The following MTCL1 variants were observed in gnomAD, a reference collection of about 807,000 sequenced individuals.
The protein encoded by MTCL1 is microtubule crosslinking factor 1.
Under a neutral mutation model 141.4 loss-of-function variants are expected in MTCL1, and 79 were observed. The ratio of observed to expected loss-of-function variants is 0.56; its 90% confidence interval spans 0.47 to 0.67. The LOEUF (loss-of-function observed/expected upper bound fraction) is 0.67. Ranked by LOEUF, MTCL1 falls within the 30% of genes least tolerant of loss-of-function variation. The probability of loss-of-function intolerance (pLI) is 0.00; values close to 1 mark genes in which losing one functional copy is unlikely to be tolerated. For missense variants in MTCL1, 2,177 were observed against 2,113.9 expected, an observed-to-expected ratio of 1.03 and a Z score of -0.59; for synonymous variants, 914 against 875.8, an observed-to-expected ratio of 1.04 and a Z score of -0.77.
rs1218985519 is a variant in MTCL1 at position 8,810,533 on chromosome 18, G to A, written c.2605-2446G>A. ...TGATGTGGGGCCCAGGAAGGGGTAC[G>A]CTGCATGAGGAGATTCTAAAGAGAG... On this transcript the variant is annotated intron_variant, in intron 11 of 16. Coordinates refer to ENST00000359865, the Ensembl canonical transcript of MTCL1. This position sits in a 1 kb window ranked among gnomAD's most constrained non-coding sequence, Gnocchi z 5.0. Among the ~76,000 whole-genome samples the A allele has an allele frequency of 1.3e-5, 2 of 152,302 alleles. No homozygotes were observed. The highest frequency in any genetic ancestry group is 1.9e-4 in the East Asian group (1 of 5,174).
chr18:8,775,524 G>A (rs2096503922), intron 4 of MTCL1, among the ~76,000 whole-genome samples: 2 of 152,108 alleles, frequency 1.3e-5, no homozygotes, highest in South Asian at 4.1e-4. Context: ...AGTGAGCCGA[G>A]ATTGCACCAC....
chr18:8,733,157 G>A (rs566430801), intron 4 of MTCL1, among the ~76,000 whole-genome samples: 1 of 152,360 alleles, frequency 6.6e-6, no homozygotes, highest in East Asian at 1.9e-4. Context: ...CTGGGAGCCA[G>A]GGCGCAGGGC....
intron 4 of MTCL1, among the ~76,000 whole-genome samples, chr18:8,726,446 C>CA (rs1445813076): frequency 6.8e-6 from 1 of 146,096 alleles, no homozygotes; most frequent in African/African-American, 2.6e-5. Flanking sequence ...TTTCACATGG[C>CA]AGAGAGCATG....
intron 10 of MTCL1, among the ~76,000 whole-genome samples, chr18:8,800,939 T>C (rs545347604): frequency 6.7e-6 from 1 of 150,326 alleles, no homozygotes; most frequent in Non-Finnish European, 1.5e-5. Flanking sequence ...GTGAAGAACT[T>C]AATATAAAAT....
chr18:8,820,451 G>A (rs2076809521), intron 13 of MTCL1, among the ~76,000 whole-genome samples: 1 of 152,166 alleles, frequency 6.6e-6, no homozygotes, highest in South Asian at 2.1e-4. Flanking sequence ...CTGTGAAGCA[G>A]TTCAACAGTT....
chr18:8,828,833 T>G lies in MTCL1; in HGVS notation c.4723-75T>G. 6.2e-7 allele frequency: 1 copy of G among 1,610,186 alleles called. No individual in the cohort carries two copies. The highest frequency in any genetic ancestry group is 1.7e-5 in the Admixed American group (1 of 59,774). On this transcript the variant is annotated intron_variant, in intron 15 of 16. Transcript: ENST00000359865. The surrounding 1 kb of genome is among the most constrained non-coding windows in gnomAD (Gnocchi z 5.2). The stretch of plus-strand genomic sequence containing the variant: ...CCTCCGGGCTTGCTGACTTTAAACC[T>G]TTATTGTTCTCCTGTTTAAAAAACA...
intron 4 of MTCL1, among the ~76,000 whole-genome samples, chr18:8,771,231 C>T (rs2096484044): frequency 6.6e-6 from 1 of 152,016 alleles, no homozygotes; most frequent in Non-Finnish European, 1.5e-5. Flanking sequence ...TCAAATGATC[C>T]CCCTACCTCA....
At chr18:8,752,714 A>T (rs902072442) in intron 4 of MTCL1, among the ~76,000 whole-genome samples, 2 of 152,250 alleles carry the variant, frequency 1.3e-5, no homozygotes, top group African/African-American at 4.8e-5. Flanking sequence ...GAAATGATGA[A>T]GAATCAATTC....
chr18:8,768,789 CTTTTTTTTTTT>C (rs773958752), intron 4 of MTCL1, among the ~76,000 whole-genome samples: 4 of 117,898 alleles, frequency 3.4e-5, no homozygotes, highest in East Asian at 2.6e-4. Flanking sequence ...CTTTTCTTCT[CTTTTTTTTTTT>C]TTTTTTTTTG....
rs543325344 is a variant in MTCL1, at chr18:8,828,780, AC to A, written c.4723-124del. 2,890 of 1,473,970 alleles carry A rather than the reference AC, an allele frequency of 2.0e-3. No homozygotes were observed. The highest frequency in any genetic ancestry group is 2.4e-3 in the Non-Finnish European group (2,652 of 1,095,502). The allele number at this position is 1,473,970 out of a possible 1,614,324, so 91.3% of individuals were successfully genotyped here. On this transcript the variant is annotated intron_variant, in intron 15 of 16. Coordinates refer to ENST00000359865, the Ensembl canonical transcript of MTCL1. This position sits in a 1 kb window ranked among gnomAD's most constrained non-coding sequence, Gnocchi z 5.2. ...AGCCCGCAAGTCTCTCCTGGTGGCT[AC>A]CCCTGAGCGAGAGGGATGGTCCTCT... is the stretch of plus-strand genomic sequence containing the variant.
intron 15 of MTCL1, among the ~76,000 whole-genome samples, chr18:8,827,059 C>T (rs2077049644): frequency 6.6e-6 from 1 of 152,248 alleles, no homozygotes; most frequent in Admixed American, 6.5e-5. Context: ...GAGGACGTGT[C>T]TGTCCAGCGA....
At chr18:8,732,266 T>A (rs116277769) in intron 4 of MTCL1, among the ~76,000 whole-genome samples, 2,182 of 152,096 alleles carry the variant, frequency 0.014, 41 homozygotes, top group African/African-American at 0.05. Flanking sequence ...TTTGATTTTT[T>A]AAATTTATTT....
In MTCL1 at chr18:8,779,366, C is replaced by T. The variant is rs757300703; in HGVS notation, c.417+1474C>T. On this transcript the variant is annotated intron_variant, in intron 5 of 16. Transcript: ENST00000359865. The surrounding 1 kb of genome is among the most constrained non-coding windows in gnomAD (Gnocchi z 4.1). ...TTCCTGGGGCTATCCAATGATCTCT[C>T]GAAACCAGAAATGATATGCTTCAGT... Among the ~76,000 whole-genome samples the T allele has an allele frequency of 3.3e-5, 5 of 152,170 alleles. No homozygotes were observed. The highest frequency in any genetic ancestry group is 5.9e-5 in the Non-Finnish European group (4 of 68,022).
chr18:8,755,683 A>G (rs1197775322), intron 4 of MTCL1, among the ~76,000 whole-genome samples: 3 of 152,242 alleles, frequency 2.0e-5, no homozygotes, highest in East Asian at 3.8e-4. Flanking sequence ...TTTAAAAGAC[A>G]GACTATCATC....
chr18:8,795,214 C>T (rs1245126804), intron 8 of MTCL1, among the ~76,000 whole-genome samples: 5 of 152,210 alleles, frequency 3.3e-5, no homozygotes, highest in Non-Finnish European at 7.3e-5. Context: ...GCACATTGGC[C>T]TCGGGCAGCT....
intron 4 of MTCL1, among the ~76,000 whole-genome samples, chr18:8,760,226 A>G (rs1240764229): frequency 6.6e-6 from 1 of 152,110 alleles, no homozygotes; most frequent in African/African-American, 2.4e-5. Context: ...GTGCCGGGCT[A>G]TGGAGGGTCT....
rs572742866 is a variant in MTCL1, at chr18:8,828,082, G to A, written c.4723-826G>A. ...TTTTCCTCGTTCTAGATTCCAGTGGGATTGTTCTGAATTGATGTAATATAT... is the reference window on the plus strand; with the variant it reads ...TTTTCCTCGTTCTAGATTCCAGTGGAATTGTTCTGAATTGATGTAATATAT... On this transcript the variant is annotated intron_variant, in intron 15 of 16. Coordinates refer to ENST00000359865, the Ensembl canonical transcript of MTCL1. This position sits in a 1 kb window ranked among gnomAD's most constrained non-coding sequence, Gnocchi z 5.2. Among the ~76,000 whole-genome samples the A allele has an allele frequency of 3.4e-4, 52 of 152,180 alleles. No individual in the cohort carries two copies. Among genetic ancestry groups the A allele is most frequent in the African/African-American group, 1.3e-3 (52 of 41,502 alleles).
chr18:8,828,830 A>C lies in MTCL1; in HGVS notation c.4723-78A>C. ...CTACCTCCGGGCTTGCTGACTTTAA[A>C]CCTTTATTGTTCTCCTGTTTAAAAA... On this transcript the variant is annotated intron_variant, in intron 15 of 16. Coordinates refer to ENST00000359865, the Ensembl canonical transcript of MTCL1. This position sits in a 1 kb window ranked among gnomAD's most constrained non-coding sequence, Gnocchi z 5.2. 1 of 1,608,490 alleles carries C rather than the reference A, an allele frequency of 6.2e-7. No individual in the cohort carries two copies. The highest frequency in any genetic ancestry group is 8.5e-7 in the Non-Finnish European group (1 of 1,178,110).
At chr18:8,726,969 G>T (rs2096219796) in intron 4 of MTCL1, among the ~76,000 whole-genome samples, 1 of 151,976 alleles carries the variant, frequency 6.6e-6, no homozygotes, top group Admixed American at 6.6e-5. Context: ...CCCGCTTAAG[G>T]ACTCCCCAGT....
Sources: allele counts gnomAD v4.1 joint callset (sites outside exome capture counted in the v4.1 genomes callset), GRCh38; gene constraint gnomAD v4.1.1; non-coding constraint Gnocchi (gnomAD v3.1); transcripts MANE v1.5; gene names NCBI Gene and HGNC (gene_info 2026-07-23, HGNC 2026-07-21).